Variants in PPP2R2B observed in about 807,000 individuals in gnomAD.
PPP2R2B encodes serine/threonine-protein phosphatase 2A 55 kDa regulatory subunit B beta isoform.
Under a neutral mutation model 46.0 loss-of-function variants are expected in PPP2R2B, and 5 were observed. The ratio of observed to expected loss-of-function variants is 0.11; its 90% CI spans 0.06 to 0.23. The LOEUF (loss-of-function observed/expected upper bound fraction) is 0.23, where lower values mean the gene tolerates loss of function less well. PPP2R2B is among the 10% of genes least tolerant of loss of function. PPP2R2B has a pLI of 1.00. For synonymous variants in PPP2R2B, 215 were observed against 206.7 expected, an observed-to-expected ratio of 1.04 and a Z score of -0.34; for missense variants, 367 against 575.0, an observed-to-expected ratio of 0.64 and a Z score of 3.70.
chr5:146,966,035 A>C (rs1023846578), intron 1 of PPP2R2B, among the ~76,000 whole-genome samples: 1 of 152,222 alleles, frequency 6.6e-6, no homozygotes, highest in African/African-American at 2.4e-5. Context: ...AATTAAAAAC[A>C]TTATCTATTT....
At chr5:146,859,640 A>G (rs981881570) in intron 2 of PPP2R2B, among the ~76,000 whole-genome samples, 22 of 152,224 alleles carry the variant, frequency 1.4e-4, no homozygotes, top group African/African-American at 5.3e-4. Context: ...GTCAAGAGCC[A>G]GTAAGCGTGG....
chr5:146,619,513 T>C (rs1773498976), intron 7 of PPP2R2B, among the ~76,000 whole-genome samples: 1 of 152,176 alleles, frequency 6.6e-6, no homozygotes, highest in Non-Finnish European at 1.5e-5. Context: ...ATTTCCACTC[T>C]GCTCCGGCTG....
At chr5:146,834,551 G>A (rs1582222860) in intron 2 of PPP2R2B, among the ~76,000 whole-genome samples, 1 of 152,186 alleles carries the variant, frequency 6.6e-6, no homozygotes, top group East Asian at 1.9e-4. Flanking sequence ...TTGGTGCTCT[G>A]AGTGATAATG....
chr5:146,840,919 C>G (rs952491299), intron 2 of PPP2R2B, among the ~76,000 whole-genome samples: 9 of 152,174 alleles, frequency 5.9e-5, no homozygotes, highest in African/African-American at 2.2e-4. Context: ...GGGAGATATA[C>G]ATCTACCTTT....
chr5:146,637,550 G>T (rs1400201006), intron 7 of PPP2R2B, among the ~76,000 whole-genome samples: 1 of 152,052 alleles, frequency 6.6e-6, no homozygotes, highest in Non-Finnish European at 1.5e-5. Context: ...TTATCCTTCT[G>T]CCTTCCATCT....
intron 7 of PPP2R2B, among the ~76,000 whole-genome samples, chr5:146,601,295 C>T (rs569313259): frequency 7.9e-5 from 12 of 152,220 alleles, no homozygotes; most frequent in South Asian, 6.2e-4. Context: ...TGTTGGCTCA[C>T]GGTGTTTAAT....
At chr5:146,737,956 C>A (rs1281781135) in intron 2 of PPP2R2B, among the ~76,000 whole-genome samples, 1 of 149,060 alleles carries the variant, frequency 6.7e-6, no homozygotes, top group African/African-American at 2.5e-5. Context: ...CAAAACAAAA[C>A]AAAAAAAACG....
At chr5:146,725,584 A>G (rs769417622) in intron 2 of PPP2R2B, among the ~76,000 whole-genome samples, 1 of 152,242 alleles carries the variant, frequency 6.6e-6, no homozygotes, top group Non-Finnish European at 1.5e-5. Flanking sequence ...ATCGATTTTT[A>G]GTGTACTATC....
At chr5:146,940,179 G>C (rs1764275813) in intron 1 of PPP2R2B, among the ~76,000 whole-genome samples, 1 of 152,084 alleles carries the variant, frequency 6.6e-6, no homozygotes, top group Non-Finnish European at 1.5e-5. Flanking sequence ...TCTTTCTCTG[G>C]ATAGCAGAAC....
At chr5:146,844,801 T>A (rs907716200) in intron 2 of PPP2R2B, among the ~76,000 whole-genome samples, 1 of 152,176 alleles carries the variant, frequency 6.6e-6, no homozygotes, top group Admixed American at 6.5e-5. Context: ...CCTTATTCTA[T>A]CTTTCTCTCA....
intron 2 of PPP2R2B, among the ~76,000 whole-genome samples, chr5:146,836,143 G>T (rs756271754): frequency 3.3e-5 from 5 of 152,124 alleles, no homozygotes; most frequent in Non-Finnish European, 5.9e-5. Context: ...AAGGTCTTCA[G>T]AGTAATTCTG....
upstream of PPP2R2B, among the ~76,000 whole-genome samples, chr5:146,880,514 A>T (rs3822624): frequency 0.19 from 29,144 of 152,026 alleles, 2,908 homozygotes; most frequent in East Asian, 0.35. Context: ...GGGAAAAGCT[A>T]AGTTCATCTC....
chr5:146,820,165 A>G (rs1758170444), intron 2 of PPP2R2B, among the ~76,000 whole-genome samples: 1 of 152,162 alleles, frequency 6.6e-6, no homozygotes, highest in South Asian at 2.1e-4. Context: ...TAACAATAAG[A>G]TATTGTAATT....
Position 146,861,047 on chromosome 5 carries a change from A to ATTTTTTTTTTTTTTTTTTT in PPP2R2B, c.70+16954_70+16955insAAAAAAAAAAAAAAAAAAA, listed in dbSNP as rs869248861. 2.3e-5 allele frequency among the ~76,000 whole-genome samples: 3 copies of ATTTTTTTTTTTTTTTTTTT among 132,174 alleles called. 1 individual carries two copies. The highest frequency in any genetic ancestry group is 4.8e-5 in the Non-Finnish European group (3 of 62,990). The allele number at this position is 132,174 out of a possible 152,430, so 86.7% of individuals were successfully genotyped here. ...ACTCCTCTTCCAGCATTCAAACTGAATTTTTTCTTTTTTTTTTTTTTTTTT... is the reference window on the plus strand; with the variant it reads ...ACTCCTCTTCCAGCATTCAAACTGAATTTTTTTTTTTTTTTTTTTTTTTTTCTTTTTTTTTTTTTTTTTT... On this transcript the variant is annotated intron_variant, in intron 2 of 9. Coordinates refer to ENST00000394411, the MANE Select transcript of PPP2R2B (RefSeq NM_181675.4).
intron 2 of PPP2R2B, among the ~76,000 whole-genome samples, chr5:146,739,328 A>G (rs1042160385): frequency 6.6e-6 from 1 of 152,218 alleles, no homozygotes; most frequent in African/African-American, 2.4e-5. Context: ...GAAGAAGTGC[A>G]TCTAAATGGA....
intron 5 of PPP2R2B, among the ~76,000 whole-genome samples, chr5:146,661,898 T>A (rs1295849780): frequency 2.0e-5 from 3 of 152,180 alleles, no homozygotes; most frequent in Non-Finnish European, 4.4e-5. Context: ...AAAAGAGACA[T>A]CTTAAAATAC....
At chr5:146,697,953 A>G (rs760113716) in intron 4 of PPP2R2B, 26 bp downstream of exon 4, 1 of 1,594,940 alleles carries the variant, frequency 6.3e-7, no homozygotes, top group Admixed American at 1.7e-5. Flanking sequence ...GTATCTCTGA[A>G]AATACCAAAC....
At chr5:146,617,119 G>T (rs886943867) in intron 7 of PPP2R2B, 1 of 152,178 alleles carries the variant, frequency 6.6e-6, no homozygotes, top group Non-Finnish European at 1.5e-5. Context: ...ATGAGCCAGG[G>T]ACAGAAAGAC....
At chr5:146,777,576 C>T (rs533155836) in intron 2 of PPP2R2B, among the ~76,000 whole-genome samples, 1 of 151,916 alleles carries the variant, frequency 6.6e-6, no homozygotes, top group Non-Finnish European at 1.5e-5. Context: ...GTAATTAACG[C>T]CACTAAATAT....
Sources: gnomAD v4.1 joint callset for allele counts (sites outside exome capture counted in the v4.1 genomes callset) on GRCh38, gnomAD v4.1.1 for gene constraint, MANE v1.5 for transcripts, NCBI Gene and HGNC (gene_info 2026-07-23, HGNC 2026-07-21) for gene names.